Variants in CUX2 observed in about 807,000 individuals in gnomAD.
CUX2 encodes cut like homeobox 2, also known as homeobox protein cut-like 2.
CUX2 carries 40 observed loss-of-function variants against 144.8 expected under a neutral mutation model. The observed-to-expected ratio is 0.28, with a 90% CI of 0.21 to 0.36. The LOEUF is 0.36. Among genes scored for constraint, CUX2 ranks in the 10% least tolerant of loss-of-function variants. CUX2 has a pLI of 1.00. For synonymous variants in CUX2, 827 were observed against 875.6 expected (o/e 0.94, Z 0.98); for missense variants, 1,615 against 1,994.0 (o/e 0.81, Z 3.62).
chr12:111,137,892 T>G (rs938161915), intron 1 of CUX2, among the ~76,000 whole-genome samples: 1 of 152,160 alleles, frequency 6.6e-6, no homozygotes, highest in Admixed American at 6.5e-5. Context: ...GCCCTGACAT[T>G]GATGGCAGAA....
intron 1 of CUX2, among the ~76,000 whole-genome samples, chr12:111,066,187 A>G (rs146659625): frequency 1.6e-4 from 25 of 152,328 alleles, no homozygotes; most frequent in African/African-American, 6.0e-4. Context: ...ATTGGTTCAC[A>G]TACTTAGCAG....
At chr12:111,044,577 C>G (rs1391205587) in intron 1 of CUX2, among the ~76,000 whole-genome samples, 1 of 152,202 alleles carries the variant, frequency 6.6e-6, no homozygotes, top group Non-Finnish European at 1.5e-5. Context: ...CTTGACTTCT[C>G]TTTCCAAATC....
Position 111,199,529 on chromosome 12 carries a change from A to G in CUX2, c.64-14671A>G, listed in dbSNP as rs531588593. Among the ~76,000 whole-genome samples the G allele has an allele frequency of 3.8e-3, 584 of 152,288 alleles. 2 individuals carry two copies. The highest frequency in any genetic ancestry group is 6.8e-3 in the Middle Eastern group (2 of 294). On this transcript the variant is annotated intron_variant, in intron 1 of 21. Coordinates refer to ENST00000261726, the MANE Select transcript of CUX2 (RefSeq NM_015267.4). ...TAAGTTGGGAATGTGCGTGCCCTGC[A>G]TCCTGGGCCTCTTCAGGCTCTGCAG...
chr12:111,260,400 C>G (rs1056535966), intron 3 of CUX2, among the ~76,000 whole-genome samples: 7 of 151,336 alleles, frequency 4.6e-5, no homozygotes, highest in Non-Finnish European at 8.8e-5. Flanking sequence ...GAAGGTGGAG[C>G]TTGCAGTGAG....
At chr12:111,205,100 C>T (rs2136214262) in intron 1 of CUX2, among the ~76,000 whole-genome samples, 1 of 152,242 alleles carries the variant, frequency 6.6e-6, no homozygotes, top group Non-Finnish European at 1.5e-5. Flanking sequence ...TGTCTCCCAG[C>T]CACGGCTCAG....
At position 111,069,520 on chromosome 12, in the gene CUX2, C is replaced by CTGTGTG. The variant is rs150243402; in HGVS notation, c.63+35307_63+35312dup. ...GGCTGGCCATAAACAAAGCCTTGCT[C>CTGTGTG]TGTGTGTGTGTGTGTGTGTGTGTGT... On this transcript the variant is annotated intron_variant, in intron 1 of 21. Coordinates refer to ENST00000261726, the MANE Select transcript of CUX2 (RefSeq NM_015267.4). Among the ~76,000 whole-genome samples, 214 of 139,800 alleles carry CTGTGTG rather than the reference C, an allele frequency of 1.5e-3. 1 individual carries two copies. Among genetic ancestry groups the CTGTGTG allele is most frequent in the Middle Eastern group, 0.01 (3 of 288 alleles). The allele number at this position is 139,800 out of a possible 152,430, so 91.7% of individuals were successfully genotyped here.
In CUX2 at chr12:111,109,648, T is replaced by A. The variant is rs533928889; in HGVS notation, c.63+75408T>A. Among the ~76,000 whole-genome samples the A allele has an allele frequency of 1.1e-4, 17 of 152,254 alleles. No homozygotes were observed. The South Asian group carries it at 3.1e-3, about 28-fold the overall frequency. On this transcript the variant is annotated intron_variant, in intron 1 of 21. Coordinates refer to ENST00000261726, the MANE Select transcript of CUX2 (RefSeq NM_015267.4). ...TATTTAGAGACCACAGTCTGGGTGCTGAAAGAACAAATGTACAAAACATCT... is the reference window on the plus strand; with the variant it reads ...TATTTAGAGACCACAGTCTGGGTGCAGAAAGAACAAATGTACAAAACATCT...
At chr12:111,161,358 A>G (rs976814741) in intron 1 of CUX2, among the ~76,000 whole-genome samples, 1 of 151,866 alleles carries the variant, frequency 6.6e-6, no homozygotes, top group African/African-American at 2.4e-5. Context: ...GCCTCAGAAC[A>G]CTGGGTCACC....
chr12:111,045,154 G>C (rs562857437), intron 1 of CUX2, among the ~76,000 whole-genome samples: 5 of 152,300 alleles, frequency 3.3e-5, no homozygotes, highest in Non-Finnish European at 7.4e-5. Flanking sequence ...GATCATCCCA[G>C]CAGGCATGAG....
chr12:111,085,545 T>C (rs1294338059), intron 1 of CUX2, among the ~76,000 whole-genome samples: 2 of 152,162 alleles, frequency 1.3e-5, no homozygotes, highest in Admixed American at 6.5e-5. Context: ...TGTAAATACT[T>C]TTGGTCTCTG....
chr12:111,106,976 G>A lies in CUX2; in HGVS notation c.63+72736G>A, dbSNP rs114836956. ...GGGTTGCTGGACAGGCTGTGTGCAGGCAAGGCCCACATGGTGGCAAGATTG... is the reference window on the plus strand; with the variant it reads ...GGGTTGCTGGACAGGCTGTGTGCAGACAAGGCCCACATGGTGGCAAGATTG... On this transcript the variant is annotated intron_variant, in intron 1 of 21. Transcript: ENST00000261726. 6.2e-3 allele frequency among the ~76,000 whole-genome samples: 944 copies of A among 152,322 alleles called. 17 individuals carry two copies. Among genetic ancestry groups the A allele is most frequent in the African/African-American group, 0.022 (898 of 41,572 alleles).
intron 4 of CUX2, among the ~76,000 whole-genome samples, chr12:111,290,026 C>T (rs1369554516): frequency 6.6e-6 from 1 of 152,142 alleles, no homozygotes; most frequent in African/African-American, 2.4e-5. Flanking sequence ...TTGGCAGAGG[C>T]GGTGGGAAGA....
intron 9 of CUX2, among the ~76,000 whole-genome samples, chr12:111,298,816 C>T (rs1886145660): frequency 2.0e-5 from 3 of 152,122 alleles, no homozygotes; most frequent in Admixed American, 2.0e-4. Flanking sequence ...GGAATGCAGA[C>T]AGACACACTT....
chr12:111,152,724 G>A (rs1428467901), intron 1 of CUX2, among the ~76,000 whole-genome samples: 1 of 152,228 alleles, frequency 6.6e-6, no homozygotes, highest in East Asian at 1.9e-4. Context: ...AGAGGCAGTA[G>A]AACTCGCAAC....
intron 1 of CUX2, among the ~76,000 whole-genome samples, chr12:111,081,053 G>T (rs1871858065): frequency 6.6e-6 from 1 of 152,108 alleles, no homozygotes; most frequent in South Asian, 2.1e-4. Flanking sequence ...GAATAATAAG[G>T]GCCAGTAGTG....
chr12:111,095,421 T>C (rs1872761636), intron 1 of CUX2, among the ~76,000 whole-genome samples: 1 of 151,984 alleles, frequency 6.6e-6, no homozygotes, highest in Non-Finnish European at 1.5e-5. Context: ...ATTGTACCAC[T>C]GCACTCCAGT....
At chr12:111,083,227 G>A (rs570208694) in intron 1 of CUX2, among the ~76,000 whole-genome samples, 1 of 152,288 alleles carries the variant, frequency 6.6e-6, no homozygotes, top group African/African-American at 2.4e-5. Flanking sequence ...CAGCCAGAGA[G>A]CAGCCACCAA....
Position 111,320,732 on chromosome 12 carries a change from A to G in CUX2, c.2723A>G (p.Lys908Arg). The G allele has an allele frequency of 6.3e-7, 1 of 1,584,894 alleles. No individual in the cohort carries two copies. The highest frequency in any genetic ancestry group is 1.4e-5 in the African/African-American group (1 of 73,872). The change falls in exon 17 of 22, where the codon AAG (lysine) becomes AGG (arginine). Residue 908 changes from lysine (K) to arginine (R), a missense_variant. Coordinates refer to ENST00000261726, the MANE Select transcript of CUX2 (RefSeq NM_015267.4). The surrounding 1 kb of genome is among the most constrained non-coding windows in gnomAD (Gnocchi z 8.1). ...TLELTRQVKE[K>R]LAKNGICQRI... The stretch of plus-strand genomic sequence containing the variant: ...GAGCTCACCCGCCAGGTCAAGGAGA[A>G]GCTGGCCAAGAACGGCATCTGCCAG...
chr12:111,295,470 C>T lies in CUX2; in HGVS notation c.637+61C>T, dbSNP rs2301658. The T allele has an allele frequency of 0.21, 299,970 of 1,451,496 alleles. 38,953 individuals carry two copies. The highest frequency in any genetic ancestry group is 0.71 in the East Asian group (29,913 of 42,158). The allele number at this position is 1,451,496 out of a possible 1,614,324, so 89.9% of individuals were successfully genotyped here. The stretch of plus-strand genomic sequence containing the variant: ...TGGGAGGGGACGGTAATGCTGTCAA[C>T]GAGGGGTCACGGCTTGGGGTCTGCC... On this transcript the variant is annotated intron_variant, in intron 7 of 21. Coordinates refer to ENST00000261726, the MANE Select transcript of CUX2 (RefSeq NM_015267.4). This position sits in a 1 kb window ranked among gnomAD's most constrained non-coding sequence, Gnocchi z 5.0.
Sources: allele counts gnomAD v4.1 joint callset (sites outside exome capture counted in the v4.1 genomes callset), GRCh38; gene constraint gnomAD v4.1.1; non-coding constraint Gnocchi (gnomAD v3.1); transcripts MANE v1.5; gene names NCBI Gene and HGNC (gene_info 2026-07-23, HGNC 2026-07-21).